MARCHF7: variants seen among roughly 807,000 people sequenced by gnomAD.
MARCHF7 encodes the protein E3 ubiquitin-protein ligase MARCHF7.
A neutral mutation model predicts 76.5 loss-of-function variants in MARCHF7; 20 were observed. The ratio of observed to expected loss-of-function variants is 0.26; its 90% CI spans 0.18 to 0.38. MARCHF7 has a LOEUF of 0.38. Among genes scored for constraint, MARCHF7 ranks in the 10% least tolerant of loss-of-function variants. MARCHF7 has a pLI of 1.00. For synonymous variants in MARCHF7, 295 were observed against 293.0 expected (o/e 1.01, Z -0.07); for missense variants, 797 against 812.9 (o/e 0.98, Z 0.24).
rs531644266 is a variant in MARCHF7, at chr2:159,737,355, G to T, written c.154-5706G>T. The stretch of plus-strand genomic sequence containing the variant: ...AAAAATATAACCCAATTTCAAATGG[G>T]CAAAGGACTTTAATAAACATTTTTC... On this transcript the variant is annotated intron_variant, in intron 4 of 11. Coordinates refer to ENST00000409175, the MANE Select transcript of MARCHF7 (RefSeq NM_001282805.2). 3.3e-5 allele frequency among the ~76,000 whole-genome samples: 5 copies of T among 152,246 alleles called. No homozygotes were observed. In the East Asian group the frequency reaches 9.6e-4, roughly 29 times the overall value.
At chr2:159,726,200 A>G (rs565896512) in intron 3 of MARCHF7, among the ~76,000 whole-genome samples, 5 of 152,104 alleles carry the variant, frequency 3.3e-5, no homozygotes, top group African/African-American at 1.2e-4. Context: ...CTGAAGCTCT[A>G]CTACTGCTCC....
chr2:159,747,799 A>G lies in MARCHF7; in HGVS notation c.515-6A>G, dbSNP rs1290804926. 2 of 1,551,532 alleles carry G rather than the reference A, an allele frequency of 1.3e-6. No homozygotes were observed. Among genetic ancestry groups the G allele is most frequent in the Non-Finnish European group, 1.7e-6 (2 of 1,153,728 alleles). On this transcript the variant is annotated splice_polypyrimidine_tract_variant and splice_region_variant and intron_variant, in intron 6 of 11. Transcript: ENST00000409175. ...ATGTAATTGGTTATCTTCCTTTCAA[A>G]AATAGATGTTCAAGACAGAGTTCCT...
In MARCHF7 at chr2:159,767,790, T is replaced by G. The variant is rs972159672; in HGVS notation, c.*448T>G. 1.3e-5 allele frequency: 2 copies of G among 152,620 alleles called. No individual in the cohort carries two copies. Among genetic ancestry groups the G allele is most frequent in the African/African-American group, 4.8e-5 (2 of 41,452 alleles). The allele number at this position is 152,620 out of a possible 1,614,324, so 9.5% of individuals were successfully genotyped here. A position where few individuals can be genotyped will look rare whatever the true frequency, so the allele number is the denominator to read the frequency against. ...TAATTATTTTTTCTTTTAAAATGCCTTAAGTTGCAGTCTCATTTTGATAAT... is the reference window on the plus strand; with the variant it reads ...TAATTATTTTTTCTTTTAAAATGCCGTAAGTTGCAGTCTCATTTTGATAAT... On this transcript the variant is annotated 3_prime_UTR_variant, in exon 12 of 12. Coordinates refer to ENST00000409175, the MANE Select transcript of MARCHF7 (RefSeq NM_001282805.2).
At chr2:159,764,583 T>C in intron 10 of MARCHF7, 43 bp from the exon 11 acceptor site, 1 of 1,461,772 alleles carries the variant, frequency 6.8e-7, no homozygotes, top group Non-Finnish European at 9.4e-7. Flanking sequence ...TAGATCCATT[T>C]GCAACATTTA....
intron 3 of MARCHF7, among the ~76,000 whole-genome samples, chr2:159,716,848 AG>A (rs1701094206): frequency 6.6e-6 from 1 of 152,210 alleles, no homozygotes; most frequent in Non-Finnish European, 1.5e-5. Flanking sequence ...TGGTAACAGT[AG>A]AAAATAAGGA....
chr2:159,725,357 T>C (rs1467438798), intron 3 of MARCHF7, among the ~76,000 whole-genome samples: 1 of 152,228 alleles, frequency 6.6e-6, no homozygotes, highest in Non-Finnish European at 1.5e-5. Flanking sequence ...GTTTCCTGAC[T>C]TTTTAATGAT....
chr2:159,762,438 T>C (rs539005099), intron 9 of MARCHF7, among the ~76,000 whole-genome samples: 131 of 152,380 alleles, frequency 8.6e-4, no homozygotes, highest in African/African-American at 2.9e-3. Context: ...TTCATTCTTT[T>C]ATTTATGCCT....
chr2:159,721,309 T>C (rs577167336), intron 3 of MARCHF7, among the ~76,000 whole-genome samples: 20 of 152,300 alleles, frequency 1.3e-4, no homozygotes, highest in African/African-American at 4.8e-4. Flanking sequence ...GAGTCACTCA[T>C]TTAAAAAAGC....
chr2:159,737,057 C>G (rs926759581), intron 4 of MARCHF7, among the ~76,000 whole-genome samples: 1 of 152,084 alleles, frequency 6.6e-6, no homozygotes, highest in Admixed American at 6.6e-5. Context: ...TGGGTAGAGA[C>G]TGGAAAGTTA....
At chr2:159,757,963 C>G (rs1706543947) in intron 8 of MARCHF7, among the ~76,000 whole-genome samples, 1 of 152,162 alleles carries the variant, frequency 6.6e-6, no homozygotes, top group Non-Finnish European at 1.5e-5. Context: ...TTACTGCTGT[C>G]TTGGACCTTA....
intron 11 of MARCHF7, among the ~76,000 whole-genome samples, chr2:159,765,298 T>G (rs1270006731): frequency 6.6e-6 from 1 of 152,034 alleles, no homozygotes; most frequent in Non-Finnish European, 1.5e-5. Flanking sequence ...CATTCCAGCA[T>G]CAGGATTTCT....
chr2:159,763,329 C>T (rs574829656), intron 10 of MARCHF7, among the ~76,000 whole-genome samples: 11 of 152,066 alleles, frequency 7.2e-5, no homozygotes, highest in Non-Finnish European at 7.4e-5. Flanking sequence ...CACTTAGAAA[C>T]CTGAAATTGA....
intron 8 of MARCHF7, among the ~76,000 whole-genome samples, chr2:159,758,474 T>G (rs570134364): frequency 6.6e-6 from 1 of 152,316 alleles, no homozygotes; most frequent in South Asian, 2.1e-4. Context: ...ACGCTAACCA[T>G]TAAGCAGTAA....
rs1701666472 is a variant in MARCHF7, at chr2:159,721,759, A to G, written c.-15+5993A>G. 1.3e-5 allele frequency among the ~76,000 whole-genome samples: 2 copies of G among 152,212 alleles called. 1 individual carries two copies. ...ATGAGGATAAAATTCTAGTGGATCT[A>G]TCATGACTGGGACTTCAGTGAGGCA... On this transcript the variant is annotated intron_variant, in intron 3 of 11. Coordinates refer to ENST00000409175, the MANE Select transcript of MARCHF7 (RefSeq NM_001282805.2).
rs1423203058 is a variant in MARCHF7, at chr2:159,770,470, C to G, written c.*3128C>G. 6.6e-6 allele frequency: 1 copy of G among 152,174 alleles called. No homozygotes were observed. Among genetic ancestry groups the G allele is most frequent in the African/African-American group, 2.4e-5 (1 of 41,444 alleles). The allele number at this position is 152,174 out of a possible 1,614,324, so 9.4% of individuals were successfully genotyped here. A position where few individuals can be genotyped will look rare whatever the true frequency, so the allele number is the denominator to read the frequency against. On this transcript the variant is annotated 3_prime_UTR_variant, in exon 12 of 12. Transcript: ENST00000409175. Reference sequence around the variant, plus strand: ...GGTCAATAAAAAGAGACTACACAAGCTGGAACTTTGTTGCCATTAGTCAAG... The same window carrying G: ...GGTCAATAAAAAGAGACTACACAAGGTGGAACTTTGTTGCCATTAGTCAAG...
chr2:159,743,353 C>T, intron 5 of MARCHF7, 100 bp downstream of exon 5: 3 of 1,077,178 alleles, frequency 2.8e-6, no homozygotes, highest in Non-Finnish European at 4.0e-6. Flanking sequence ...TATATGAAGA[C>T]AGTGGGTCAG....
intron 3 of MARCHF7, among the ~76,000 whole-genome samples, chr2:159,722,399 G>T (rs62173027): frequency 0.061 from 9,239 of 152,286 alleles, 364 homozygotes; most frequent in Middle Eastern, 0.14. Context: ...CTCCCAAAGT[G>T]CAGAGATTAC....
At chr2:159,756,311 C>G (rs1706285713) in intron 8 of MARCHF7, among the ~76,000 whole-genome samples, 1 of 152,194 alleles carries the variant, frequency 6.6e-6, no homozygotes, top group South Asian at 2.1e-4. Context: ...GAACACTTAG[C>G]TAGCTATAGG....
intron 4 of MARCHF7, among the ~76,000 whole-genome samples, chr2:159,739,676 C>T (rs1276299933): frequency 6.6e-6 from 1 of 152,100 alleles, no homozygotes; most frequent in Non-Finnish European, 1.5e-5. Flanking sequence ...ACAATTGCTT[C>T]AGACTGAGGA....
Sources: allele counts gnomAD v4.1 joint callset (sites outside exome capture counted in the v4.1 genomes callset), GRCh38; gene constraint gnomAD v4.1.1; transcripts MANE v1.5; gene names NCBI Gene and HGNC (gene_info 2026-07-23, HGNC 2026-07-21).